Variants in RAB37 observed in about 807,000 individuals in gnomAD.
RAB37 encodes the protein ras-related protein Rab-37.
In RAB37, 29 loss-of-function variants were observed where a neutral mutation model predicts 33.1. The ratio of observed to expected loss-of-function variants is 0.88; its 90% CI spans 0.65 to 1.20. The LOEUF (loss-of-function observed/expected upper bound fraction) is 1.20, where lower values mean the gene tolerates loss of function less well. Among genes scored for constraint, RAB37 ranks in the 50% most tolerant of loss-of-function variants. The pLI is 0.00. For synonymous variants in RAB37, 128 were observed against 119.5 expected (o/e 1.07, Z -0.47); for missense variants, 299 against 301.1 (o/e 0.99, Z 0.05).
chr17:74,735,018 G>GAAGGAAGGAAGGAAGGAAGAAAGA (rs1207905817), upstream of RAB37, among the ~76,000 whole-genome samples: 1 of 82,260 alleles, frequency 1.2e-5, no homozygotes, highest in African/African-American at 8.8e-5. Flanking sequence ...AGGAAGGAAG[G>GAAGGAAGGAAGGAAGGAAGAAAGA]AAGAAAGAAA....
intron 1 of RAB37, among the ~76,000 whole-genome samples, chr17:74,721,249 T>A (rs2034235641): frequency 6.6e-6 from 1 of 152,184 alleles, no homozygotes; most frequent in South Asian, 2.1e-4. Flanking sequence ...TCGCCCTCTT[T>A]TACCCAGTAT....
chr17:74,704,712 A>G (rs1328550882), intron 1 of RAB37: 1 of 1,614,032 alleles, frequency 6.2e-7, no homozygotes, highest in Admixed American at 1.7e-5. Context: ...CACCACTTCA[A>G]GTAGGTCTCC....
intron 1 of RAB37, among the ~76,000 whole-genome samples, chr17:74,716,317 C>T (rs2034164788): frequency 6.6e-6 from 1 of 152,158 alleles, no homozygotes; most frequent in African/African-American, 2.4e-5. Context: ...CATGTATGTA[C>T]GTGAATGGTT....
chr17:74,683,388 G>A (rs2031991906), intron 1 of RAB37, among the ~76,000 whole-genome samples: 3 of 152,210 alleles, frequency 2.0e-5, no homozygotes, highest in Non-Finnish European at 4.4e-5. Context: ...TAAGGACCAT[G>A]GTTAGCTGCT....
intron 1 of RAB37, among the ~76,000 whole-genome samples, chr17:74,690,591 T>A (rs182511518): frequency 6.6e-6 from 1 of 152,334 alleles, no homozygotes; most frequent in Non-Finnish European, 1.5e-5. Context: ...AACAATTTCC[T>A]TTCCTGCCTC....
chr17:74,684,114 G>A (rs947391701), intron 1 of RAB37, among the ~76,000 whole-genome samples: 7 of 150,806 alleles, frequency 4.6e-5, no homozygotes, highest in African/African-American at 9.9e-5. Flanking sequence ...TTATTGAGAC[G>A]AGTCTCTCTC....
chr17:74,736,787 TAAC>T, upstream of RAB37: 1 of 1,535,380 alleles, frequency 6.5e-7, no homozygotes, highest in Non-Finnish European at 8.7e-7. Flanking sequence ...CCGGGTGACT[TAAC>T]AGATGAGGAA....
intron 1 of RAB37, chr17:74,672,955 T>C (rs751624147): frequency 6.6e-6 from 1 of 152,226 alleles, no homozygotes; most frequent in Non-Finnish European, 1.5e-5. Flanking sequence ...ACAGTCCATG[T>C]GTCTTCTCCC....
upstream of RAB37, chr17:74,736,985 CACAG>C (rs1314659327): frequency 1.1e-5 from 18 of 1,580,260 alleles, no homozygotes; most frequent in Non-Finnish European, 1.2e-5. Context: ...AGCAAGCGAC[CACAG>C]GGGACCGGTC....
At chr17:74,727,346 G>A (rs1209890727) in intron 1 of RAB37, among the ~76,000 whole-genome samples, 7 of 152,258 alleles carry the variant, frequency 4.6e-5, no homozygotes, top group African/African-American at 1.7e-4. Flanking sequence ...GAGAGAAATA[G>A]AGTAGGTGCC....
At chr17:74,705,347 C>A in intron 1 of RAB37, 1 of 668,074 alleles carries the variant, frequency 1.5e-6, no homozygotes, top group South Asian at 1.5e-5. Context: ...TGAAGTTGAT[C>A]AAAACAGCAA....
At chr17:74,704,827 C>G (rs746765268) in intron 1 of RAB37, 2 of 1,601,354 alleles carry the variant, frequency 1.2e-6, no homozygotes, top group South Asian at 2.2e-5. Context: ...CTGGAAAACA[C>G]AAATTCATGT....
chr17:74,688,646 G>A (rs1222628039), intron 1 of RAB37, among the ~76,000 whole-genome samples: 1 of 150,348 alleles, frequency 6.7e-6, no homozygotes, highest in Admixed American at 6.6e-5. Context: ...TAAAAAAAAA[G>A]AGAACGGTTA....
In RAB37 at chr17:74,698,114, C is replaced by G. The variant is rs376317827; in HGVS notation, c.72+26456C>G. On this transcript the variant is annotated intron_variant, in intron 1 of 7. Coordinates refer to the RAB37 transcript ENST00000340415. ...ATCAAGAGTCAATCCAGGAAAGAGA[C>G]AGGGAGGTGGATCAGAGAGAAGAGA... Among the ~76,000 whole-genome samples, 83 of 152,266 alleles carry G rather than the reference C, an allele frequency of 5.5e-4. No individual in the cohort carries two copies. In the East Asian group the frequency reaches 0.013, roughly 24 times the overall value.
At chr17:74,733,768 T>G (rs2144042539), upstream of RAB37, among the ~76,000 whole-genome samples, 1 of 152,060 alleles carries the variant, frequency 6.6e-6, no homozygotes, top group Admixed American at 6.5e-5. Flanking sequence ...CTGTTCCCTG[T>G]TCTGAATGTC....
chr17:74,744,121 C>A lies in RAB37; in HGVS notation c.367-187C>A, dbSNP rs114524446. On this transcript the variant is annotated intron_variant, in intron 5 of 8. Transcript: ENST00000392613. This position sits in a 1 kb window ranked among gnomAD's most constrained non-coding sequence, Gnocchi z 4.2. ...ACAGCATAAAATGGTGAGGGTGGGG[C>A]CATTGTGGGTTGAGCCACCAAGGAA... 4.1e-3 allele frequency among the ~76,000 whole-genome samples: 618 copies of A among 152,164 alleles called. 9 individuals carry two copies. The highest frequency in any genetic ancestry group is 0.013 in the African/African-American group (553 of 41,496).
chr17:74,693,732 C>G (rs1349241357), intron 1 of RAB37, among the ~76,000 whole-genome samples: 1 of 152,072 alleles, frequency 6.6e-6, no homozygotes, highest in Non-Finnish European at 1.5e-5. Flanking sequence ...AGTTCGAGAC[C>G]AGCCTGGCCA....
intron 1 of RAB37, among the ~76,000 whole-genome samples, chr17:74,674,100 G>A (rs1465195770): frequency 6.6e-6 from 1 of 151,984 alleles, no homozygotes; most frequent in African/African-American, 2.4e-5. Flanking sequence ...TTTTTGAAGT[G>A]GGGTCTCAGT....
chr17:74,715,585 C>T (rs957172992), intron 1 of RAB37, among the ~76,000 whole-genome samples: 4 of 152,116 alleles, frequency 2.6e-5, no homozygotes, highest in Admixed American at 6.6e-5. Flanking sequence ...GCAGATGCAT[C>T]GAGGGTGGTG....
Sources: allele counts gnomAD v4.1 joint callset (sites outside exome capture counted in the v4.1 genomes callset), GRCh38; gene constraint gnomAD v4.1.1; non-coding constraint Gnocchi (gnomAD v3.1); transcripts MANE v1.5; gene names NCBI Gene and HGNC (gene_info 2026-07-23, HGNC 2026-07-21).